Variants in DOCK2 observed in about 807,000 individuals in gnomAD.
DOCK2 encodes the protein dedicator of cytokinesis 2.
A neutral mutation model predicts 248.9 loss-of-function variants in DOCK2; 87 were observed. The ratio of observed to expected loss-of-function variants is 0.35; its 90% CI spans 0.29 to 0.42. The LOEUF (loss-of-function observed/expected upper bound fraction) is 0.42, where lower values mean the gene tolerates loss of function less well. DOCK2 is among the 10% of genes least tolerant of loss of function. DOCK2 has a pLI of 1.00. For missense variants in DOCK2, 1,747 were observed against 2,300.2 expected (o/e 0.76, Z 4.92); for synonymous variants, 805 against 821.6 (o/e 0.98, Z 0.35).
chr5:169,801,599 G>A (rs1478596712), intron 25 of DOCK2, among the ~76,000 whole-genome samples: 2 of 152,064 alleles, frequency 1.3e-5, no homozygotes, highest in Non-Finnish European at 2.9e-5. Context: ...ATCCTAATTG[G>A]GGCCAGGTGT....
chr5:169,663,183 CT>C (rs1433633613), intron 2 of DOCK2, among the ~76,000 whole-genome samples: 2 of 152,206 alleles, frequency 1.3e-5, no homozygotes, highest in Non-Finnish European at 1.5e-5. Flanking sequence ...CTAAAATCTC[CT>C]TTGATTCCAT....
intron 30 of DOCK2, among the ~76,000 whole-genome samples, chr5:169,996,454 A>T (rs1347440918): frequency 6.6e-6 from 1 of 152,230 alleles, no homozygotes; most frequent in Non-Finnish European, 1.5e-5. Context: ...ACCTTTTAAA[A>T]ATGTATCACC....
chr5:170,079,234 G>T, intron 49 of DOCK2, 88 bp downstream of exon 49: 1 of 1,506,886 alleles, frequency 6.6e-7, no homozygotes, highest in Non-Finnish European at 8.9e-7. Flanking sequence ...TCCAGATATG[G>T]GCTTCCTGAA....
At chr5:170,042,670 G>A (rs960839150) in intron 38 of DOCK2, among the ~76,000 whole-genome samples, 10 of 152,132 alleles carry the variant, frequency 6.6e-5, no homozygotes, top group African/African-American at 1.7e-4. Context: ...CCACTGGAAC[G>A]CTGGGCTCCA....
chr5:169,821,754 A>G (rs1044886999), intron 26 of DOCK2, among the ~76,000 whole-genome samples: 1 of 152,264 alleles, frequency 6.6e-6, no homozygotes, highest in African/African-American at 2.4e-5. Flanking sequence ...ACAGGATTAA[A>G]TTCACACATA....
rs140924937 is a variant in DOCK2, at chr5:170,035,412, C to G, written c.3624+857C>G. ...CTAAATAGACTTTTTTTTTCAACAG[C>G]CTAGATATTGCCATTGATTTTCTAG... On this transcript the variant is annotated intron_variant, in intron 35 of 51. Coordinates refer to ENST00000520908, the MANE Select transcript of DOCK2 (RefSeq NM_004946.3). Among the ~76,000 whole-genome samples the G allele has an allele frequency of 5.3e-4, 81 of 152,102 alleles. 1 individual carries two copies. In the East Asian group the frequency reaches 0.015, roughly 28 times the overall value.
chr5:170,001,198 T>C (rs1343867276), intron 30 of DOCK2, among the ~76,000 whole-genome samples: 2 of 152,206 alleles, frequency 1.3e-5, no homozygotes, highest in Non-Finnish European at 2.9e-5. Context: ...GCTGTGCCTC[T>C]GCCCTGCAGA....
chr5:169,911,028 T>G (rs1011552908), intron 27 of DOCK2, among the ~76,000 whole-genome samples: 2 of 152,220 alleles, frequency 1.3e-5, no homozygotes, highest in African/African-American at 4.8e-5. Flanking sequence ...AAAGCATTTC[T>G]ACCTTTGCTG....
chr5:170,064,414 A>G, intron 44 of DOCK2, among the ~76,000 whole-genome samples: 1 of 152,094 alleles, frequency 6.6e-6, no homozygotes. Context: ...AAGAGAAAGC[A>G]TAAAGTGTAC....
intron 40 of DOCK2, among the ~76,000 whole-genome samples, chr5:170,049,955 T>G (rs148104284): frequency 6.6e-6 from 1 of 152,108 alleles, no homozygotes; most frequent in Non-Finnish European, 1.5e-5. Context: ...GGAGAGTGGG[T>G]GTGACACAGT....
At chr5:169,905,718 T>G (rs184509853) in intron 27 of DOCK2, among the ~76,000 whole-genome samples, 2 of 152,172 alleles carry the variant, frequency 1.3e-5, no homozygotes, top group African/African-American at 4.8e-5. Context: ...GGCCACTAAA[T>G]GGCAGCGTCT....
intron 27 of DOCK2, among the ~76,000 whole-genome samples, chr5:169,902,938 A>C (rs953738264): frequency 6.6e-6 from 1 of 152,060 alleles, no homozygotes; most frequent in Non-Finnish European, 1.5e-5. Flanking sequence ...TCTCTACTAA[A>C]AATACAAAAA....
At chr5:169,714,537 G>A in intron 19 of DOCK2, 80 bp downstream of exon 19, 2 of 1,471,968 alleles carry the variant, frequency 1.4e-6, no homozygotes, top group South Asian at 2.4e-5. Context: ...GGAAAAACAA[G>A]GTATTGAAGG....
chr5:169,801,559 G>A lies in DOCK2; in HGVS notation c.2555-1499G>A, dbSNP rs561415907. On this transcript the variant is annotated intron_variant, in intron 25 of 51. Coordinates refer to ENST00000520908, the MANE Select transcript of DOCK2 (RefSeq NM_004946.3). ...ACCGTTGGCAGTTATCATTATGAAC[G>A]TTCCCTCAAGATTCAGATTTCAGGA... Among the ~76,000 whole-genome samples the A allele has an allele frequency of 3.5e-4, 53 of 152,224 alleles. No individual in the cohort carries two copies. The East Asian group carries it at 6.4e-3, about 18-fold the overall frequency.
chr5:170,028,970 A>G (rs1335089974), intron 34 of DOCK2, among the ~76,000 whole-genome samples: 2 of 151,980 alleles, frequency 1.3e-5, no homozygotes, highest in African/African-American at 4.8e-5. Context: ...TTGTTTATTC[A>G]TCTCTCAGTT....
intron 1 of DOCK2, among the ~76,000 whole-genome samples, chr5:169,651,543 A>G (rs1757805543): frequency 6.6e-6 from 1 of 152,162 alleles, no homozygotes; most frequent in Non-Finnish European, 1.5e-5. Context: ...CTCGTGCTCC[A>G]GAGACTAACA....
At chr5:169,964,639 A>C (rs1777228425) in intron 27 of DOCK2, among the ~76,000 whole-genome samples, 1 of 152,252 alleles carries the variant, frequency 6.6e-6, no homozygotes, top group Non-Finnish European at 1.5e-5. Flanking sequence ...GCCAAAAGTC[A>C]GCCCTTCTGC....
intron 26 of DOCK2, among the ~76,000 whole-genome samples, chr5:169,839,610 C>T (rs1245878667): frequency 6.6e-6 from 1 of 152,156 alleles, no homozygotes; most frequent in Non-Finnish European, 1.5e-5. Flanking sequence ...AACAAAAGCT[C>T]AAAAAGGATC....
chr5:169,715,757 T>C (rs1761872975), intron 19 of DOCK2, among the ~76,000 whole-genome samples: 1 of 152,134 alleles, frequency 6.6e-6, no homozygotes, highest in Non-Finnish European at 1.5e-5. Context: ...TTTAGCATTA[T>C]AGTAGATTCC....
Sources: allele counts gnomAD v4.1 joint callset (sites outside exome capture counted in the v4.1 genomes callset), GRCh38; gene constraint gnomAD v4.1.1; transcripts MANE v1.5; gene names NCBI Gene and HGNC (gene_info 2026-07-23, HGNC 2026-07-21).